Variants in USP14 observed in about 807,000 individuals in gnomAD.
USP14 encodes the protein ubiquitin specific peptidase 14, also known as ubiquitin carboxyl-terminal hydrolase 14.
In USP14, 38 loss-of-function variants were observed where a neutral mutation model predicts 76.5. The ratio of observed to expected loss-of-function variants is 0.50; its 90% CI spans 0.38 to 0.65. The LOEUF (loss-of-function observed/expected upper bound fraction) is 0.65. Among genes scored for constraint, USP14 ranks in the 30% least tolerant of loss-of-function variants. USP14 has a pLI of 0.00. For missense variants in USP14, 467 were observed against 586.5 expected (o/e 0.80, Z 2.10); for synonymous variants, 192 against 191.7 (o/e 1.00, Z -0.01).
intron 14 of USP14, 77 bp from the exon 15 acceptor site, chr18:210,308 AG>A (rs1404729441): frequency 1.8e-5 from 19 of 1,051,388 alleles, no homozygotes; most frequent in Non-Finnish European, 2.7e-5. Context: ...TGAACTTTAG[AG>A]TTATTCTTGT....
chr18:160,205 G>T (rs554126514), intron 1 of USP14, among the ~76,000 whole-genome samples: 28 of 152,328 alleles, frequency 1.8e-4, no homozygotes, highest in African/African-American at 6.7e-4. Context: ...TGGGGAGGCT[G>T]AGGCAGGAGA....
chr18:196,537 A>AT lies in USP14; in HGVS notation c.464-98dup, dbSNP rs1444218045. ...AGACTCCATCTCAAAAAAAAAAAAA[A>AT]TTAAGTAAGTTTTTGTTTGTATTAA... On this transcript the variant is annotated intron_variant, in intron 6 of 15. Coordinates refer to ENST00000261601, the MANE Select transcript of USP14 (RefSeq NM_005151.4). 19 of 1,377,728 alleles carry AT rather than the reference A, an allele frequency of 1.4e-5. No homozygotes were observed. In the Admixed American group the frequency reaches 2.7e-4, roughly 19 times the overall value. 85.3% of individuals were successfully genotyped at this position (1,377,728 alleles called of 1,614,324 possible).
chr18:185,860 A>ATTTT (rs34807173), intron 5 of USP14, among the ~76,000 whole-genome samples: 2 of 125,070 alleles, frequency 1.6e-5, no homozygotes, highest in Non-Finnish European at 3.4e-5. Context: ...TGCCCAGCTG[A>ATTTT]TTTTTTTTTT....
chr18:167,042 A>G lies in USP14; in HGVS notation c.195+223A>G, dbSNP rs1388989977. 3.3e-5 allele frequency among the ~76,000 whole-genome samples: 5 copies of G among 152,220 alleles called. No homozygotes were observed. In the East Asian group the frequency reaches 5.8e-4, roughly 18 times the overall value. On this transcript the variant is annotated intron_variant, in intron 3 of 15. Transcript: ENST00000261601. The stretch of plus-strand genomic sequence containing the variant: ...CATTGATCTAGTAGATTAAAGTTAC[A>G]CTAGTACCAAATGGTTTTGATTACT...
At chr18:210,546 T>C in intron 15 of USP14, 53 bp downstream of exon 15, 2 of 1,311,696 alleles carry the variant, frequency 1.5e-6, no homozygotes, top group Non-Finnish European at 2.1e-6. Context: ...AGTTCATTTA[T>C]TATAAATTTT....
At chr18:167,856 G>C (rs1329906791) in intron 3 of USP14, among the ~76,000 whole-genome samples, 1 of 149,828 alleles carries the variant, frequency 6.7e-6, no homozygotes, top group African/African-American at 2.5e-5. Context: ...CTTAACATTT[G>C]TTCGCTGCTT....
At chr18:201,463 A>C (rs566262829) in intron 10 of USP14, among the ~76,000 whole-genome samples, 2 of 152,346 alleles carry the variant, frequency 1.3e-5, no homozygotes, top group South Asian at 4.1e-4. Context: ...TAAGGTTGGC[A>C]AGGGGAAGGG....
At chr18:183,463 G>T (rs116757817) in intron 5 of USP14, among the ~76,000 whole-genome samples, 1 of 151,448 alleles carries the variant, frequency 6.6e-6, no homozygotes, top group African/African-American at 2.4e-5. Flanking sequence ...ATTTCTTTAG[G>T]TACTGCTTCT....
In USP14 at chr18:163,290, T is replaced by C. The variant is rs756674985; in HGVS notation, c.17-18T>C. The C allele has an allele frequency of 2.5e-6, 4 of 1,580,898 alleles. No homozygotes were observed. The African/African-American group carries it at 4.1e-5, about 16-fold the overall frequency. ...TCTTGTTATTTTTTAATTAAAAAAA[T>C]TGTGATTTTGTTTGCAGTTACTGTA... On this transcript the variant is annotated intron_variant, in intron 1 of 15. Transcript: ENST00000261601.
In USP14 at chr18:199,289, C is replaced by T. The variant is rs1226511468; in HGVS notation, c.849C>T (p.Val283=). 1.2e-6 allele frequency: 2 copies of T among 1,613,360 alleles called. No homozygotes were observed. Among genetic ancestry groups the T allele is most frequent in the Non-Finnish European group, 1.7e-6 (2 of 1,179,616 alleles). ...TTAGCTGTTTTATCAATCAGGAAGT[C>T]AAGTATCTTTTTACAGGACTTAAAT... The part of the protein sequence containing the change: ...LQLSCFINQE[V]KYLFTGLKLR... Residue 283 remains valine (V), a synonymous_variant, in exon 10 of 16, where the codon GTC becomes GTT. Transcript: ENST00000261601.
At chr18:209,489 G>A (rs1910614081) in intron 13 of USP14, among the ~76,000 whole-genome samples, 2 of 152,208 alleles carry the variant, frequency 1.3e-5, no homozygotes, top group Admixed American at 1.3e-4. Flanking sequence ...ATGTAGGTAA[G>A]TCTTTGCTGA....
Position 214,388 on chromosome 18 carries a change from TAAC to T in USP14, c.*3107_*3109del, listed in dbSNP as rs1369701158. ...TAACTTCATTATAAATACATCTACT[TAAC>T]AAAAAAATATATTTTGTGATCTTGA... On this transcript the variant is annotated 3_prime_UTR_variant, in exon 16 of 16. Coordinates refer to ENST00000261601, the MANE Select transcript of USP14 (RefSeq NM_005151.4). 6 of 425,944 alleles carry T rather than the reference TAAC, an allele frequency of 1.4e-5. No individual in the cohort carries two copies. In the Admixed American group the frequency reaches 2.4e-4, roughly 17 times the overall value. The allele number at this position is 425,944 out of a possible 1,614,324, so 26.4% of individuals were successfully genotyped here.
rs1253148909 is a variant in USP14, at chr18:204,507, TTAAA to T, written c.1036-50_1036-47del. ...AGCATTACTTCAGATATGTGATACTTTAAATAAATATCTTTATAAATGTGTTTAC... is the reference window on the plus strand; with the variant it reads ...AGCATTACTTCAGATATGTGATACTTTAAATATCTTTATAAATGTGTTTAC... On this transcript the variant is annotated intron_variant, in intron 12 of 15. Transcript: ENST00000261601. 9 of 1,357,362 alleles carry T rather than the reference TTAAA, an allele frequency of 6.6e-6. No individual in the cohort carries two copies. The Admixed American group carries it at 8.7e-5, about 13-fold the overall frequency. 84.1% of individuals were successfully genotyped at this position (1,357,362 alleles called of 1,614,324 possible).
At chr18:192,248 T>A (rs1382037448) in intron 5 of USP14, among the ~76,000 whole-genome samples, 1 of 144,502 alleles carries the variant, frequency 6.9e-6, no homozygotes, top group African/African-American at 2.7e-5. Context: ...ATGAATAGTG[T>A]TGTTTCACAA....
intron 3 of USP14, among the ~76,000 whole-genome samples, chr18:174,660 A>G (rs1489258100): frequency 1.4e-5 from 2 of 147,732 alleles, no homozygotes; most frequent in African/African-American, 2.5e-5. Flanking sequence ...GCTGGAGTGC[A>G]GTGGCACAAT....
At chr18:197,539 G>A in intron 7 of USP14, 77 bp from the exon 8 acceptor site, 1 of 1,156,328 alleles carries the variant, frequency 8.6e-7, no homozygotes. Flanking sequence ...TTGCCTAGGA[G>A]ACAGTGATTA....
chr18:206,858 G>A (rs1389603000), intron 13 of USP14, among the ~76,000 whole-genome samples: 6 of 152,182 alleles, frequency 3.9e-5, no homozygotes, highest in South Asian at 4.1e-4. Context: ...CTGAGATCAC[G>A]CCACTGCCCT....
intron 5 of USP14, among the ~76,000 whole-genome samples, chr18:184,707 G>A (rs3859374): frequency 0.058 from 8,828 of 152,098 alleles, 612 homozygotes; most frequent in East Asian, 0.32. Flanking sequence ...GGTCGAGTCT[G>A]CAGTGAGCCA....
chr18:197,078 C>G (rs1173161347), intron 7 of USP14, among the ~76,000 whole-genome samples: 2 of 152,244 alleles, frequency 1.3e-5, no homozygotes, highest in East Asian at 3.8e-4. Context: ...GGCTTTCTCT[C>G]TGAGTTCATC....
Sources: allele counts gnomAD v4.1 joint callset (sites outside exome capture counted in the v4.1 genomes callset), GRCh38; gene constraint gnomAD v4.1.1; transcripts MANE v1.5; gene names NCBI Gene and HGNC (gene_info 2026-07-23, HGNC 2026-07-21).